PIK3C2G: variants seen among roughly 807,000 people sequenced by gnomAD.
PIK3C2G encodes the protein phosphatidylinositol-4-phosphate 3-kinase catalytic subunit type 2 gamma, also known as phosphatidylinositol 3-kinase C2 domain-containing subunit gamma.
In PIK3C2G, 168 loss-of-function variants were observed where a neutral mutation model predicts 181.1. The ratio of observed to expected loss-of-function variants is 0.93; its 90% CI spans 0.82 to 1.05. The LOEUF (loss-of-function observed/expected upper bound fraction) is 1.05. Ranked by LOEUF, PIK3C2G falls within the 50% of genes least tolerant of loss-of-function variation. The pLI is 0.00. For missense variants in PIK3C2G, 1,869 were observed against 1,732.8 expected (o/e 1.08, Z -1.40); for synonymous variants, 573 against 592.2 (o/e 0.97, Z 0.47).
chr12:18,252,277 A>G (rs1344606535), intron 1 of PIK3C2G, among the ~76,000 whole-genome samples: 5 of 152,182 alleles, frequency 3.3e-5, no homozygotes, highest in Non-Finnish European at 7.4e-5. Flanking sequence ...GCTGTAATCA[A>G]GCCCAATATT....
intron 13 of PIK3C2G, among the ~76,000 whole-genome samples, chr12:18,375,034 A>G (rs112846072): frequency 0.017 from 2,562 of 152,330 alleles, 29 homozygotes; most frequent in South Asian, 0.025. Context: ...CAGCAATGCA[A>G]GAATGGCCTA....
chr12:18,482,670 T>C (rs1273396572), intron 18 of PIK3C2G, among the ~76,000 whole-genome samples: 1 of 152,146 alleles, frequency 6.6e-6, no homozygotes, highest in Non-Finnish European at 1.5e-5. Context: ...CACAGAAGCC[T>C]AGGGAAAATC....
intron 31 of PIK3C2G, among the ~76,000 whole-genome samples, chr12:18,624,393 C>T (rs542684686): frequency 4.6e-5 from 7 of 151,552 alleles, no homozygotes; most frequent in Admixed American, 6.6e-5. Flanking sequence ...ACTTGTTCGT[C>T]GTCAATGATC....
At chr12:18,325,199 TA>T (rs1951284998) in intron 8 of PIK3C2G, 101 bp downstream of exon 8, 1 of 576,156 alleles carries the variant, frequency 1.7e-6, no homozygotes, top group African/African-American at 2.1e-5. Context: ...CAAAAATGAA[TA>T]AAACAGAGGA....
chr12:18,439,811 A>G (rs140987309), intron 18 of PIK3C2G, among the ~76,000 whole-genome samples: 1 of 152,216 alleles, frequency 6.6e-6, no homozygotes, highest in East Asian at 1.9e-4. Flanking sequence ...ATGATTTTGC[A>G]ATGTCTATAG....
the PIK3C2G span, chr12:18,701,368 A>C: frequency 1.4e-6 from 2 of 1,470,764 alleles, no homozygotes; most frequent in Admixed American, 2.4e-5. Context: ...TTTTCAAAGT[A>C]AATTGTAAAT....
intron 24 of PIK3C2G, among the ~76,000 whole-genome samples, chr12:18,510,610 T>C (rs1290509010): frequency 6.6e-6 from 1 of 152,224 alleles, no homozygotes. Context: ...TAAGTGTTTT[T>C]TGTAGCTTTC....
intron 16 of PIK3C2G, among the ~76,000 whole-genome samples, chr12:18,412,522 G>T (rs2135639918): frequency 6.6e-6 from 1 of 152,162 alleles, no homozygotes; most frequent in Middle Eastern, 3.4e-3. Flanking sequence ...ATATTAAAGA[G>T]ACTCGCAAAA....
At chr12:18,547,578 G>T (rs902570706) in intron 26 of PIK3C2G, among the ~76,000 whole-genome samples, 1 of 151,838 alleles carries the variant, frequency 6.6e-6, no homozygotes, top group African/African-American at 2.4e-5. Context: ...CTAGTCCTGG[G>T]TTTTTCCAGT....
chr12:18,411,353 CGAGTTT>C (rs1328359183), intron 16 of PIK3C2G, among the ~76,000 whole-genome samples: 6 of 151,980 alleles, frequency 3.9e-5, no homozygotes, highest in Non-Finnish European at 8.8e-5. Flanking sequence ...GCTTATACTC[CGAGTTT>C]GAGTTTTTTC....
the PIK3C2G span, among the ~76,000 whole-genome samples, chr12:18,696,939 G>A: frequency 6.6e-6 from 1 of 152,060 alleles, no homozygotes; most frequent in Admixed American, 6.6e-5. Context: ...CACACAAACA[G>A]GAACAAACAT....
At chr12:18,642,891 G>C (rs1400299296) in intron 32 of PIK3C2G, among the ~76,000 whole-genome samples, 4 of 151,104 alleles carry the variant, frequency 2.6e-5, no homozygotes, top group Non-Finnish European at 4.4e-5. Context: ...AAACTGGTAA[G>C]GAAAAATATT....
intron 14 of PIK3C2G, among the ~76,000 whole-genome samples, chr12:18,383,571 G>C (rs969023911): frequency 6.6e-6 from 1 of 152,184 alleles, no homozygotes; most frequent in Non-Finnish European, 1.5e-5. Context: ...CAAACACACA[G>C]ATTCAGAAAA....
At chr12:18,265,489 C>T (rs1051269743) in intron 1 of PIK3C2G, among the ~76,000 whole-genome samples, 3 of 152,056 alleles carry the variant, frequency 2.0e-5, no homozygotes, top group Non-Finnish European at 4.4e-5. Flanking sequence ...CATCTTAAAA[C>T]ACACACTTTT....
chr12:18,662,246 A>G, the PIK3C2G span, among the ~76,000 whole-genome samples: 1 of 152,126 alleles, frequency 6.6e-6, no homozygotes, highest in East Asian at 1.9e-4. Flanking sequence ...AATAATCTGT[A>G]CATCAAACCC....
In PIK3C2G at chr12:18,338,474, C is replaced by G; in HGVS notation, c.1321C>G (p.Leu441Val). The change falls in exon 9 of 33, where the codon CTA becomes GTA. Residue 441 changes from leucine (L) to valine (V), a missense_variant. By Grantham distance (32) the Leu-to-Val change is conservative. Coordinates refer to ENST00000538779, the MANE Select transcript of PIK3C2G (RefSeq NM_001288772.2). ...AGAAGTTAAAAAAATATGCAGTGTTCTAGGGTGTGTGGAAACCAAACAAAT... is the reference window on the plus strand; with the variant it reads ...AGAAGTTAAAAAAATATGCAGTGTTGTAGGGTGTGTGGAAACCAAACAAAT... Reference protein sequence around the residue: ...IEEVKKICSVLGCVETKQITD... With the variant: ...IEEVKKICSVVGCVETKQITD... The G allele has an allele frequency of 6.3e-7, 1 of 1,582,834 alleles. No homozygotes were observed. Among genetic ancestry groups the G allele is most frequent in the Non-Finnish European group, 8.7e-7 (1 of 1,152,140 alleles).
chr12:18,370,829 TTTGAG>T (rs1336156515), intron 12 of PIK3C2G, among the ~76,000 whole-genome samples: 10 of 152,168 alleles, frequency 6.6e-5, no homozygotes, highest in Non-Finnish European at 1.3e-4. Flanking sequence ...TGAGAATCAT[TTTGAG>T]TTATTTCCTG....
intron 4 of PIK3C2G, among the ~76,000 whole-genome samples, chr12:18,292,483 T>C (rs1016522441): frequency 6.6e-6 from 1 of 151,842 alleles, no homozygotes; most frequent in Non-Finnish European, 1.5e-5. Context: ...ACTATCTCTA[T>C]GGGATCCAGC....
chr12:18,561,498 T>C (rs576129655), intron 26 of PIK3C2G, among the ~76,000 whole-genome samples: 24 of 152,060 alleles, frequency 1.6e-4, no homozygotes, highest in African/African-American at 5.3e-4. Context: ...AAAAAGGAAG[T>C]AGGGGCTAGG....
Sources: gnomAD v4.1 joint callset for allele counts (sites outside exome capture counted in the v4.1 genomes callset) on GRCh38, gnomAD v4.1.1 for gene constraint, MANE v1.5 for transcripts, NCBI Gene and HGNC (gene_info 2026-07-23, HGNC 2026-07-21) for gene names.